The following CAMTA1 variants were observed in gnomAD, a reference collection of about 807,000 sequenced individuals.
CAMTA1 encodes calmodulin-binding transcription activator 1.
Under a neutral mutation model 170.9 loss-of-function variants are expected in CAMTA1, and 27 were observed. That is an observed-to-expected ratio of 0.16 (90% CI 0.12 to 0.22). CAMTA1 has a LOEUF of 0.22. Among genes scored for constraint, CAMTA1 ranks in the 10% least tolerant of loss-of-function variants. The probability of loss-of-function intolerance (pLI) is 1.00; values close to 1 mark genes in which losing one functional copy is unlikely to be tolerated. For missense variants in CAMTA1, 1,619 were observed against 2,217.2 expected (o/e 0.73, Z 5.42); for synonymous variants, 833 against 891.5 (o/e 0.93, Z 1.17).
At chr1:7,400,724 T>C (rs1250758001) in intron 5 of CAMTA1, among the ~76,000 whole-genome samples, 2 of 152,172 alleles carry the variant, frequency 1.3e-5, no homozygotes, top group East Asian at 1.9e-4. Flanking sequence ...AGTAGTAATC[T>C]CTATGAAGTT....
chr1:7,273,797 A>G (rs1670193460), intron 5 of CAMTA1, among the ~76,000 whole-genome samples: 1 of 152,230 alleles, frequency 6.6e-6, no homozygotes, highest in Non-Finnish European at 1.5e-5. Context: ...AAGTAATAAC[A>G]TTATATAGAA....
At chr1:7,152,543 C>T (rs1646635743) in intron 4 of CAMTA1, among the ~76,000 whole-genome samples, 1 of 152,218 alleles carries the variant, frequency 6.6e-6, no homozygotes, top group South Asian at 2.1e-4. Flanking sequence ...ATCTCTGAGC[C>T]ATGCTGAGAA....
At chr1:7,070,004 C>T (rs1291311460) in intron 3 of CAMTA1, among the ~76,000 whole-genome samples, 1 of 152,234 alleles carries the variant, frequency 6.6e-6, no homozygotes, top group Admixed American at 6.5e-5. Context: ...TGGTTCACGT[C>T]CTCTCGCCCT....
intron 4 of CAMTA1, among the ~76,000 whole-genome samples, chr1:7,205,883 A>C (rs919362225): frequency 1.3e-5 from 2 of 152,120 alleles, no homozygotes; most frequent in Admixed American, 6.5e-5. Flanking sequence ...TTTAGAATTC[A>C]TTCTTGTGCT....
intron 3 of CAMTA1, among the ~76,000 whole-genome samples, chr1:6,902,072 C>CACACACACAAAAA (rs3986505): frequency 1.1e-5 from 1 of 88,474 alleles, no homozygotes; most frequent in African/African-American, 3.6e-5. Flanking sequence ...CACACACACA[C>CACACACACAAAAA]AAAAAAAAAA....
At chr1:7,761,426 ATT>A (rs34659887) in intron 22 of CAMTA1, among the ~76,000 whole-genome samples, 8 of 148,188 alleles carry the variant, frequency 5.4e-5, no homozygotes, top group African/African-American at 1.5e-4. Context: ...TGCAGTTATA[ATT>A]TTTTTTTTTT....
chr1:7,554,808 T>TC (rs140189002), intron 6 of CAMTA1, among the ~76,000 whole-genome samples: 6,403 of 151,218 alleles, frequency 0.042, 157 homozygotes, highest in African/African-American at 0.075. Flanking sequence ...GCTTGCTTCA[T>TC]CCCCCCCAAC....
intron 6 of CAMTA1, among the ~76,000 whole-genome samples, chr1:7,617,111 A>G (rs2095564122): frequency 6.6e-6 from 1 of 152,188 alleles, no homozygotes; most frequent in African/African-American, 2.4e-5. Context: ...AGCCAAGAGA[A>G]GGAGCCAGGT....
intron 6 of CAMTA1, among the ~76,000 whole-genome samples, chr1:7,505,507 C>T (rs554069521): frequency 2.6e-5 from 4 of 152,326 alleles, no homozygotes; most frequent in African/African-American, 7.2e-5. Context: ...GGAAAAGGAG[C>T]TTGTGCAGGC....
At chr1:7,649,768 C>G (rs2095836357) in intron 7 of CAMTA1, among the ~76,000 whole-genome samples, 1 of 152,194 alleles carries the variant, frequency 6.6e-6, no homozygotes, top group Admixed American at 6.5e-5. Flanking sequence ...GACAGGAGAT[C>G]CCCCTTTTGT....
In CAMTA1 at chr1:7,304,023, G is replaced by A. The variant is rs181205624; in HGVS notation, c.438+54397G>A. 2.0e-5 allele frequency among the ~76,000 whole-genome samples: 3 copies of A among 152,322 alleles called. No homozygotes were observed. The East Asian group carries it at 5.8e-4, about 29-fold the overall frequency. ...AGATCTCAGAATAGGTAAATTCAGA[G>A]AGACAGGGATTAGAGTAGAAGTTCT... On this transcript the variant is annotated intron_variant, in intron 5 of 22. Transcript: ENST00000303635.
At chr1:6,860,637 CA>C (rs1420875785) in intron 3 of CAMTA1, among the ~76,000 whole-genome samples, 2 of 152,088 alleles carry the variant, frequency 1.3e-5, no homozygotes, top group Admixed American at 6.5e-5. Context: ...GGGCCGGGCG[CA>C]ATGACTCACA....
intron 3 of CAMTA1, among the ~76,000 whole-genome samples, chr1:6,848,377 A>G (rs1156680192): frequency 3.9e-5 from 6 of 152,132 alleles, no homozygotes. Context: ...TTGAACTCCT[A>G]GTCTCAAGTG....
At chr1:7,610,849 G>A (rs57868241) in intron 6 of CAMTA1, among the ~76,000 whole-genome samples, 1,724 of 152,318 alleles carry the variant, frequency 0.011, 23 homozygotes, top group African/African-American at 0.038. Context: ...GTCAAATAGC[G>A]CCTCAGAGCA....
intron 7 of CAMTA1, among the ~76,000 whole-genome samples, chr1:7,640,795 T>C (rs904435027): frequency 6.6e-6 from 1 of 152,164 alleles, no homozygotes; most frequent in African/African-American, 2.4e-5. Context: ...AGAGTGAGGT[T>C]TGGAGACACA....
intron 6 of CAMTA1, among the ~76,000 whole-genome samples, chr1:7,530,818 T>TG (rs1450020188): frequency 5.3e-4 from 77 of 146,074 alleles, no homozygotes; most frequent in Non-Finnish European, 3.3e-4. Context: ...TCTTGTTTTT[T>TG]TTTTTTTTTT....
At chr1:7,045,520 A>G (rs1225816090) in intron 3 of CAMTA1, among the ~76,000 whole-genome samples, 2 of 152,334 alleles carry the variant, frequency 1.3e-5, no homozygotes, top group African/African-American at 4.8e-5. Flanking sequence ...TTTAAACTTT[A>G]TATATATCTA....
intron 3 of CAMTA1, among the ~76,000 whole-genome samples, chr1:6,927,462 T>A (rs1683536227): frequency 6.6e-6 from 1 of 152,396 alleles, no homozygotes; most frequent in South Asian, 2.1e-4. Context: ...GAAAATATAA[T>A]GCACATAATT....
At chr1:7,747,505 A>G (rs868839369) in intron 18 of CAMTA1, among the ~76,000 whole-genome samples, 1 of 152,248 alleles carries the variant, frequency 6.6e-6, no homozygotes, top group African/African-American at 2.4e-5. Flanking sequence ...TAACATTCCA[A>G]TATCATAGTT....
Sources: gnomAD v4.1 joint callset for allele counts (sites outside exome capture counted in the v4.1 genomes callset) on GRCh38, gnomAD v4.1.1 for gene constraint, MANE v1.5 for transcripts, NCBI Gene and HGNC (gene_info 2026-07-23, HGNC 2026-07-21) for gene names.